The following LEPROTL1 variants were observed in gnomAD, a reference collection of about 807,000 sequenced individuals.
LEPROTL1 encodes leptin receptor overlapping transcript like 1.
LEPROTL1 carries 6 observed loss-of-function variants against 15.4 expected under a neutral mutation model. That is an observed-to-expected ratio of 0.39 (90% CI 0.21 to 0.77). The LOEUF (loss-of-function observed/expected upper bound fraction) is 0.77, where lower values mean the gene tolerates loss of function less well. LEPROTL1 is among the 30% of genes least tolerant of loss of function. The pLI is 0.41. For synonymous variants in LEPROTL1, 56 were observed against 52.6 expected, an observed-to-expected ratio of 1.06 and a Z score of -0.28; for missense variants, 128 against 158.1, an observed-to-expected ratio of 0.81 and a Z score of 1.02.
At chr8:30,135,157 G>T (rs1255256502) in intron 4 of LEPROTL1, among the ~76,000 whole-genome samples, 1 of 151,822 alleles carries the variant, frequency 6.6e-6, no homozygotes, top group African/African-American at 2.4e-5. Flanking sequence ...CTCCCAAAGG[G>T]CTGGGATTAT....
intron 3 of LEPROTL1, among the ~76,000 whole-genome samples, chr8:30,131,354 T>A (rs1173219978): frequency 6.6e-6 from 1 of 150,858 alleles, no homozygotes; most frequent in Non-Finnish European, 1.5e-5. Flanking sequence ...AAAGTCTTGC[T>A]ATGTTGCCCA....
At chr8:30,104,276 A>G in intron 2 of LEPROTL1, 24 bp from the exon 3 acceptor site, 1 of 1,390,266 alleles carries the variant, frequency 7.2e-7, no homozygotes, top group Non-Finnish European at 9.7e-7. Flanking sequence ...CAAAAATTAC[A>G]TTAACTTATT....
intron 3 of LEPROTL1, among the ~76,000 whole-genome samples, chr8:30,121,949 T>G (rs563894821): frequency 1.3e-5 from 2 of 152,144 alleles, no homozygotes; most frequent in Non-Finnish European, 2.9e-5. Context: ...GCAAATCACT[T>G]GAAGTCAGGA....
In LEPROTL1 at chr8:30,106,493, G is replaced by T. The variant is rs1282770895; in HGVS notation, c.*631G>T. ...TTTACTGGTAGACAGATGTTTTGTG[G>T]ATTGAAAATTATTTTATGGAATTGC... is the stretch of plus-strand genomic sequence containing the variant. On this transcript the variant is annotated 3_prime_UTR_variant, in exon 4 of 4. Transcript: ENST00000321250. The T allele has an allele frequency of 7.1e-6, 7 of 985,704 alleles. No homozygotes were observed. The highest frequency in any genetic ancestry group is 8.4e-6 in the Non-Finnish European group (7 of 829,928). 61.1% of individuals were successfully genotyped at this position (985,704 alleles called of 1,614,324 possible).
At chr8:30,102,888 G>A (rs1026937314) in intron 2 of LEPROTL1, among the ~76,000 whole-genome samples, 6 of 152,040 alleles carry the variant, frequency 3.9e-5, no homozygotes, top group Non-Finnish European at 1.5e-5. Context: ...TGCTGTGGGG[G>A]GAGTACACAT....
At chr8:30,118,750 A>G (rs530117729) in intron 3 of LEPROTL1, among the ~76,000 whole-genome samples, 39 of 152,338 alleles carry the variant, frequency 2.6e-4, no homozygotes, top group African/African-American at 8.9e-4. Flanking sequence ...TCAGGAGAGC[A>G]GGGTGATAGT....
At chr8:30,105,568 TTACTATATATATTTA>T (rs1385772990) in intron 3 of LEPROTL1, among the ~76,000 whole-genome samples, 163 bp from the exon 4 acceptor site, 61 of 148,262 alleles carry the variant, frequency 4.1e-4, no homozygotes, top group African/African-American at 9.3e-4. Context: ...ATATATTTTT[TTACTATATATATTTA>T]TACTATATAT....
intron 3 of LEPROTL1, among the ~76,000 whole-genome samples, chr8:30,119,441 G>A (rs1231342172): frequency 1.3e-5 from 2 of 152,188 alleles, no homozygotes. Context: ...TCACACAGAA[G>A]TGTTAGGATT....
chr8:30,116,208 C>T (rs1032249452), intron 3 of LEPROTL1, among the ~76,000 whole-genome samples: 14 of 152,026 alleles, frequency 9.2e-5, no homozygotes, highest in African/African-American at 3.1e-4. Flanking sequence ...CCACTGTGTT[C>T]CAGCCTGGGT....
chr8:30,099,618 A>AG (rs1397372512), intron 1 of LEPROTL1, among the ~76,000 whole-genome samples: 1 of 151,622 alleles, frequency 6.6e-6, no homozygotes, highest in Non-Finnish European at 1.5e-5. Context: ...AAAAAAAAAA[A>AG]AAAAAAACCA....
At chr8:30,114,894 C>T (rs1802712338) in intron 3 of LEPROTL1, among the ~76,000 whole-genome samples, 4 of 152,136 alleles carry the variant, frequency 2.6e-5, no homozygotes, top group South Asian at 2.1e-4. Context: ...GGGGGTCACA[C>T]GCACCTCCTC....
chr8:30,106,228 CCG>C lies in LEPROTL1; in HGVS notation c.*368_*369del. 1 of 986,080 alleles carries C rather than the reference CCG, an allele frequency of 1.0e-6. No individual in the cohort carries two copies. The highest frequency in any genetic ancestry group is 1.2e-6 in the Non-Finnish European group (1 of 830,094). 61.1% of individuals were successfully genotyped at this position (986,080 alleles called of 1,614,324 possible). A position where few individuals can be genotyped will look rare whatever the true frequency, so the allele number is the denominator to read the frequency against. On this transcript the variant is annotated 3_prime_UTR_variant, in exon 4 of 4. Coordinates refer to ENST00000321250, the MANE Select transcript of LEPROTL1 (RefSeq NM_015344.3). Reference sequence around the variant, plus strand: ...TTGCATTGGTTAGGAATTCAGAATTCCGCCGGCTCTATTACTGGTCAAGTACA... The same window carrying C: ...TTGCATTGGTTAGGAATTCAGAATTCCCGGCTCTATTACTGGTCAAGTACA...
chr8:30,137,136 A>G (rs1736541244), intron 4 of LEPROTL1: 2 of 713,090 alleles, frequency 2.8e-6, no homozygotes, highest in East Asian at 2.7e-5. Context: ...CCTGAAGCCA[A>G]TTGTGATCAC....
chr8:30,131,879 A>G (rs1585480596), intron 3 of LEPROTL1: 2 of 1,477,448 alleles, frequency 1.4e-6, no homozygotes, highest in Non-Finnish European at 1.8e-6. Context: ...TGCATTATCG[A>G]TGCGTCATCT....
downstream of LEPROTL1, among the ~76,000 whole-genome samples, chr8:30,113,443 C>T (rs1298534621): frequency 1.3e-5 from 2 of 152,118 alleles, no homozygotes; most frequent in Non-Finnish European, 1.5e-5. Context: ...TGGGAGAATA[C>T]TACCATAAAA....
Position 30,095,542 on chromosome 8 carries a change from G to A in LEPROTL1, c.16+14G>A, listed in dbSNP as rs1417529293. ...CAGGCATCAAAGGTGGGCCTGGGTT[G>A]CAGGACGCGGGAGGGCTGGGGCCGG... On this transcript the variant is annotated intron_variant, in intron 1 of 3. Coordinates refer to ENST00000321250, the MANE Select transcript of LEPROTL1 (RefSeq NM_015344.3). The A allele has an allele frequency of 1.4e-6, 2 of 1,417,570 alleles. No homozygotes were observed. The highest frequency in any genetic ancestry group is 9.2e-7 in the Non-Finnish European group (1 of 1,086,704). The allele number at this position is 1,417,570 out of a possible 1,614,324, so 87.8% of individuals were successfully genotyped here. A position where few individuals can be genotyped will look rare whatever the true frequency, so the allele number is the denominator to read the frequency against.
intron 3 of LEPROTL1, among the ~76,000 whole-genome samples, chr8:30,123,368 A>G (rs564530936): frequency 1.3e-5 from 2 of 152,326 alleles, no homozygotes; most frequent in Admixed American, 6.5e-5. Flanking sequence ...AGAAAAGCAT[A>G]TGGGAGGGAA....
At chr8:30,123,286 T>C (rs542816411) in intron 3 of LEPROTL1, among the ~76,000 whole-genome samples, 1 of 152,302 alleles carries the variant, frequency 6.6e-6, no homozygotes, top group South Asian at 2.1e-4. Flanking sequence ...CCCAGTTGTG[T>C]AAATGTCCCC....
chr8:30,136,101 C>A (rs917012047), intron 4 of LEPROTL1, among the ~76,000 whole-genome samples: 1 of 152,112 alleles, frequency 6.6e-6, no homozygotes, highest in Non-Finnish European at 1.5e-5. Flanking sequence ...CAAATGCCAC[C>A]AAACCCTGCT....
Sources: gnomAD v4.1 joint callset for allele counts (sites outside exome capture counted in the v4.1 genomes callset) on GRCh38, gnomAD v4.1.1 for gene constraint, MANE v1.5 for transcripts, NCBI Gene and HGNC (gene_info 2026-07-23, HGNC 2026-07-21) for gene names.